The following DMGDH variants were observed in gnomAD, a reference collection of about 807,000 sequenced individuals.
DMGDH encodes the protein dimethylglycine dehydrogenase, also known as dimethylglycine dehydrogenase, mitochondrial.
A neutral mutation model predicts 95.2 loss-of-function variants in DMGDH; 76 were observed. The observed-to-expected ratio is 0.80, with a 90% CI of 0.66 to 0.97. DMGDH has a LOEUF of 0.97. Ranked by LOEUF, DMGDH falls within the 50% of genes least tolerant of loss-of-function variation. DMGDH has a pLI of 0.00. For missense variants in DMGDH, 987 were observed against 1,055.0 expected, an observed-to-expected ratio of 0.94 and a Z score of 0.89; for synonymous variants, 345 against 377.6, an observed-to-expected ratio of 0.91 and a Z score of 1.00.
chr5:79,024,464 G>T (rs1753945260), intron 13 of DMGDH, 134 bp from the exon 14 acceptor site: 1 of 827,786 alleles, frequency 1.2e-6, no homozygotes, highest in Non-Finnish European at 2.0e-6. Flanking sequence ...GCAAACTATA[G>T]ACCGGTTTTG....
chr5:79,026,100 GC>G (rs1753993488), intron 13 of DMGDH, among the ~76,000 whole-genome samples: 1 of 152,244 alleles, frequency 6.6e-6, no homozygotes, highest in East Asian at 1.9e-4. Context: ...ATGAAGACGG[GC>G]AAAATGACAG....
At chr5:79,037,820 AT>A (rs1181367537) in intron 7 of DMGDH, among the ~76,000 whole-genome samples, 2 of 152,236 alleles carry the variant, frequency 1.3e-5, no homozygotes, top group African/African-American at 4.8e-5. Flanking sequence ...CTAAAATTCA[AT>A]TGGAATATCA....
intron 2 of DMGDH, among the ~76,000 whole-genome samples, chr5:79,059,287 T>C (rs1247014726): frequency 1.3e-5 from 2 of 152,232 alleles, no homozygotes; most frequent in Non-Finnish European, 2.9e-5. Context: ...GTTCTGGCTT[T>C]ACGTTATTTT....
At chr5:79,028,335 C>T in intron 12 of DMGDH, 98 bp downstream of exon 12, 2 of 1,079,816 alleles carry the variant, frequency 1.9e-6, no homozygotes, top group South Asian at 2.8e-5. Context: ...TACACACTCA[C>T]ACATTTCTTG....
rs1754537666 is a variant in DMGDH, at chr5:79,042,443, T to A, written c.1033A>T (p.Ile345Phe). ...KELFESDLDR[I>F]MEHIKAAMEM... is the part of the protein sequence containing the mutation. The stretch of plus-strand genomic sequence containing the variant: ...ATGGCAGCTTTGATGTGTTCCATGA[T>A]TCGATCTAGATCAGACTCAAAGAGT... Residue 345 changes from isoleucine to phenylalanine, a missense_variant, in exon 7 of 16, where the codon ATC becomes TTC. Physicochemically the swap from Ile to Phe is conservative, Grantham distance 21 (BLOSUM62 0). Coordinates refer to ENST00000255189, the MANE Select transcript of DMGDH (RefSeq NM_013391.3). 1 of 1,614,062 alleles carries A rather than the reference T, an allele frequency of 6.2e-7. No homozygotes were observed. Among genetic ancestry groups the A allele is most frequent in the South Asian group, 1.1e-5 (1 of 91,092 alleles).
intron 1 of DMGDH, among the ~76,000 whole-genome samples, chr5:79,068,547 T>C (rs1357969141): frequency 1.3e-5 from 2 of 152,134 alleles, no homozygotes; most frequent in Non-Finnish European, 2.9e-5. Context: ...GAGACAAACC[T>C]AGCACATCAC....
intron 15 of DMGDH, among the ~76,000 whole-genome samples, chr5:79,002,365 C>A (rs1216337466): frequency 6.6e-6 from 1 of 152,234 alleles, no homozygotes; most frequent in Non-Finnish European, 1.5e-5. Context: ...TCATGACCAT[C>A]TTTATGCCTT....
At chr5:79,048,150 T>TA (rs201341559) in intron 5 of DMGDH, among the ~76,000 whole-genome samples, 3,734 of 133,148 alleles carry the variant, frequency 0.028, 156 homozygotes, top group African/African-American at 0.12. Flanking sequence ...TTATTATACC[T>TA]TTTTTTTTAC....
At chr5:79,036,397 A>G (rs546301324) in intron 7 of DMGDH, among the ~76,000 whole-genome samples, 3 of 152,032 alleles carry the variant, frequency 2.0e-5, no homozygotes, top group Non-Finnish European at 4.4e-5. Flanking sequence ...GCTTTTTATA[A>G]CTCTGTTAAA....
chr5:79,034,854 G>A (rs374870833), intron 7 of DMGDH, among the ~76,000 whole-genome samples: 3,233 of 151,778 alleles, frequency 0.021, 106 homozygotes, highest in African/African-American at 0.073. Context: ...TCAGGAGATC[G>A]AGACCATCTT....
intron 14 of DMGDH, among the ~76,000 whole-genome samples, chr5:79,005,903 T>C (rs1024637352): frequency 6.6e-6 from 1 of 152,198 alleles, no homozygotes; most frequent in Non-Finnish European, 1.5e-5. Flanking sequence ...ATTTACCTAT[T>C]GGATTGCATT....
At chr5:79,025,198 G>T (rs974399787) in intron 13 of DMGDH, among the ~76,000 whole-genome samples, 1 of 152,206 alleles carries the variant, frequency 6.6e-6, no homozygotes, top group African/African-American at 2.4e-5. Flanking sequence ...AGGGACGGGA[G>T]AAGGAGAAAA....
chr5:79,005,182 T>G (rs116092523), intron 15 of DMGDH, 91 bp downstream of exon 15: 1 of 1,560,336 alleles, frequency 6.4e-7, no homozygotes, highest in African/African-American at 1.4e-5. Context: ...AAATAATTAA[T>G]AGCAAAAGGG....
chr5:79,001,202 G>T (rs953243568), intron 15 of DMGDH: 1 of 380,288 alleles, frequency 2.6e-6, no homozygotes. Flanking sequence ...TTGCTCTGTT[G>T]CCCCAGCTGG....
At chr5:79,026,606 A>G (rs1754009587) in intron 12 of DMGDH, 25 bp from the exon 13 acceptor site, 2 of 1,614,012 alleles carry the variant, frequency 1.2e-6, no homozygotes, top group East Asian at 4.5e-5. Flanking sequence ...CAGGTGCCAC[A>G]GCAGGGCAAG....
intron 12 of DMGDH, among the ~76,000 whole-genome samples, chr5:79,026,846 A>T (rs1701379398): frequency 6.6e-6 from 1 of 152,114 alleles, no homozygotes; most frequent in South Asian, 2.1e-4. Flanking sequence ...AAAGACTATA[A>T]TACAGGAATT....
chr5:78,999,723 A>G (rs1271260894), intron 15 of DMGDH, among the ~76,000 whole-genome samples: 1 of 152,250 alleles, frequency 6.6e-6, no homozygotes, highest in Non-Finnish European at 1.5e-5. Flanking sequence ...ATGTGAATAC[A>G]TTCATTAGTA....
intron 3 of DMGDH, among the ~76,000 whole-genome samples, chr5:79,055,309 C>T (rs1026473979): frequency 6.6e-6 from 1 of 152,156 alleles, no homozygotes; most frequent in Non-Finnish European, 1.5e-5. Context: ...ATGGTTTAGG[C>T]AAGGGAAGTG....
chr5:79,064,070 A>G (rs1300849189), intron 1 of DMGDH, among the ~76,000 whole-genome samples: 2 of 152,146 alleles, frequency 1.3e-5, no homozygotes, highest in African/African-American at 2.4e-5. Flanking sequence ...TCTAGAGAAC[A>G]GGTCAGGTTT....
Sources: allele counts gnomAD v4.1 joint callset (sites outside exome capture counted in the v4.1 genomes callset), GRCh38; gene constraint gnomAD v4.1.1; transcripts MANE v1.5; gene names NCBI Gene and HGNC (gene_info 2026-07-23, HGNC 2026-07-21).